The following PCDHGB5 variants were observed in gnomAD, a reference collection of about 807,000 sequenced individuals.
PCDHGB5 encodes protocadherin gamma-B5.
PCDHGB5 carries 48 observed loss-of-function variants against 62.9 expected under a neutral mutation model. The observed-to-expected ratio is 0.76, with a 90% CI of 0.61 to 0.97. The LOEUF (loss-of-function observed/expected upper bound fraction) is 0.97, where lower values mean the gene tolerates loss of function less well. Ranked by LOEUF, PCDHGB5 falls within the 50% of genes least tolerant of loss-of-function variation. The pLI, the probability that PCDHGB5 is intolerant of heterozygous loss-of-function variation, is 0.00. For missense variants in PCDHGB5, 1,118 were observed against 1,198.6 expected, an observed-to-expected ratio of 0.93 and a Z score of 0.99; for synonymous variants, 474 against 511.2, an observed-to-expected ratio of 0.93 and a Z score of 0.98.
chr5:141,458,695 G>T (rs551105765), intron 1 of PCDHGB5, among the ~76,000 whole-genome samples: 2 of 151,734 alleles, frequency 1.3e-5, no homozygotes, highest in Non-Finnish European at 2.9e-5. Context: ...TCAGCCTCCC[G>T]AGTAGCTGGG....
At chr5:141,443,952 A>T (rs1355073040) in intron 1 of PCDHGB5, among the ~76,000 whole-genome samples, 4 of 152,134 alleles carry the variant, frequency 2.6e-5, no homozygotes, top group Non-Finnish European at 4.4e-5. Context: ...CCTTATTGGT[A>T]TGTATTCTGT....
At chr5:141,410,715 GTT>G (rs2154543204) in intron 1 of PCDHGB5, 19 of 1,422,782 alleles carry the variant, frequency 1.3e-5, no homozygotes, top group Non-Finnish European at 1.8e-5. Context: ...AGAATCATAT[GTT>G]TAAAATCCAT....
In PCDHGB5 at chr5:141,432,296, G is replaced by A. The variant is rs895669878; in HGVS notation, c.2397+31772G>A. The A allele has an allele frequency of 2.5e-6, 4 of 1,614,106 alleles. No homozygotes were observed. The highest frequency in any genetic ancestry group is 1.1e-5 in the South Asian group (1 of 91,082). The stretch of plus-strand genomic sequence containing the variant: ...CGTGTCCATCAACTCCGACACTGGG[G>A]TACTGTATGCGCTGAGCTCCTTCGA... On this transcript the variant is annotated intron_variant, in intron 1 of 3. Transcript: ENST00000617380. The surrounding 1 kb of genome is among the most constrained non-coding windows in gnomAD (Gnocchi z 6.0).
At chr5:141,449,055 A>T (rs1056298558) in intron 1 of PCDHGB5, among the ~76,000 whole-genome samples, 1 of 152,188 alleles carries the variant, frequency 6.6e-6, no homozygotes, top group Non-Finnish European at 1.5e-5. Context: ...CTCATAAATG[A>T]GCGCTATTGA....
At chr5:141,429,169 T>TACACACACACACACACAC (rs10667977) in intron 1 of PCDHGB5, 2 of 145,394 alleles carry the variant, frequency 1.4e-5, no homozygotes, top group African/African-American at 5.1e-5. Flanking sequence ...ACATTGTTTA[T>TACACACACACACACACAC]ACACACACAC....
At chr5:141,433,103 C>T (rs762225174) in intron 1 of PCDHGB5, 3 of 1,614,126 alleles carry the variant, frequency 1.9e-6, no homozygotes, top group Non-Finnish European at 2.5e-6. Flanking sequence ...GCTCGTCAGC[C>T]AGGAGAGCTT....
intron 2 of PCDHGB5, among the ~76,000 whole-genome samples, chr5:141,496,505 A>G (rs1166234572): frequency 1.3e-5 from 2 of 152,144 alleles, no homozygotes; most frequent in Non-Finnish European, 2.9e-5. Flanking sequence ...TGTTGCCACA[A>G]GGACCCAGGA....
At chr5:141,502,093 G>C (rs1037154464) in intron 2 of PCDHGB5, among the ~76,000 whole-genome samples, 27 of 152,112 alleles carry the variant, frequency 1.8e-4, no homozygotes, top group Admixed American at 1.7e-3. Flanking sequence ...AGAACACCTG[G>C]CCTTGACCCT....
intron 1 of PCDHGB5, among the ~76,000 whole-genome samples, chr5:141,448,516 A>T (rs1210489939): frequency 3.9e-5 from 6 of 152,152 alleles, no homozygotes; most frequent in Non-Finnish European, 8.8e-5. Flanking sequence ...TTATAACTTT[A>T]TTAAGCATCC....
chr5:141,495,702 T>C (rs1462896403), intron 2 of PCDHGB5, among the ~76,000 whole-genome samples: 3 of 152,212 alleles, frequency 2.0e-5, no homozygotes, highest in Non-Finnish European at 4.4e-5. Context: ...TCAATAAATG[T>C]GGAGTGAGTA....
At chr5:141,469,373 G>A (rs532041259) in intron 1 of PCDHGB5, among the ~76,000 whole-genome samples, 3 of 151,992 alleles carry the variant, frequency 2.0e-5, no homozygotes, top group South Asian at 2.1e-4. Context: ...TAAAGAGATC[G>A]AGACCATCCT....
intron 1 of PCDHGB5, chr5:141,424,694 T>C (rs2096834568): frequency 6.6e-6 from 1 of 152,252 alleles, no homozygotes; most frequent in East Asian, 1.9e-4. Flanking sequence ...TCTGGCTATT[T>C]TTTTGTTCAT....
At chr5:141,405,389 T>A in intron 1 of PCDHGB5, 12 of 1,600,534 alleles carry the variant, frequency 7.5e-6, no homozygotes, top group Non-Finnish European at 8.5e-6. Context: ...GAGTTCATTT[T>A]TTTTCTTTCT....
chr5:141,422,406 T>C, intron 1 of PCDHGB5: 1 of 1,601,224 alleles, frequency 6.2e-7, no homozygotes, highest in South Asian at 1.1e-5. Context: ...ACCTGCCTTT[T>C]AAATTAGAAA....
At chr5:141,482,458 C>T (rs986628162) in intron 1 of PCDHGB5, among the ~76,000 whole-genome samples, 1 of 147,624 alleles carries the variant, frequency 6.8e-6, no homozygotes, top group Non-Finnish European at 1.5e-5. Context: ...ATTAGCATCC[C>T]TATGTGCCAG....
In PCDHGB5 at chr5:141,398,802, C is replaced by A; in HGVS notation, c.675C>A (p.Thr225=). 6.2e-7 allele frequency: 1 copy of A among 1,613,982 alleles called. No individual in the cohort carries two copies. The highest frequency in any genetic ancestry group is 8.5e-7 in the Non-Finnish European group (1 of 1,179,900). The part of the protein sequence containing the change: ...LDGGHPPLSG[T]TELRIQVTDA... ...GTGGACATCCACCCCTAAGCGGCACCACTGAGCTCCGGATCCAGGTAACCG... is the reference window on the plus strand; with the variant it reads ...GTGGACATCCACCCCTAAGCGGCACAACTGAGCTCCGGATCCAGGTAACCG... The change falls in exon 1 of 4, where the codon ACC becomes ACA. Residue 225 remains threonine, a synonymous_variant. Coordinates refer to ENST00000617380, the MANE Select transcript of PCDHGB5 (RefSeq NM_018925.3).
rs138542775 is a variant in PCDHGB5, at chr5:141,491,313, C to T, written c.2398-3494C>T. ...ACCCTCCTGAGCGTTCAGACCTTAC[C>T]CTTTACCTCATTGTGGCTCTAGCGA... On this transcript the variant is annotated intron_variant, in intron 1 of 3. Transcript: ENST00000617380. This position sits in a 1 kb window ranked among gnomAD's most constrained non-coding sequence, Gnocchi z 6.9. 405 of 1,614,154 alleles carry T rather than the reference C, an allele frequency of 2.5e-4. 2 individuals are homozygous for T. In the African/African-American group the frequency reaches 4.5e-3, roughly 18 times the overall value.
chr5:141,405,265 C>T lies in PCDHGB5; in HGVS notation c.2397+4741C>T, dbSNP rs769240639. The T allele has an allele frequency of 4.3e-6, 7 of 1,614,106 alleles. No homozygotes were observed. In the Admixed American group the frequency reaches 1.2e-4, roughly 27 times the overall value. Reference sequence around the variant, plus strand: ...CAAGGAAGAGTCACCTGATCTTCCCCCAGCCCAACTATGCAGACACACTCA... The same window carrying T: ...CAAGGAAGAGTCACCTGATCTTCCCTCAGCCCAACTATGCAGACACACTCA... On this transcript the variant is annotated intron_variant, in intron 1 of 3. Coordinates refer to ENST00000617380, the MANE Select transcript of PCDHGB5 (RefSeq NM_018925.3).
chr5:141,500,294 C>T (rs755761935), intron 2 of PCDHGB5, among the ~76,000 whole-genome samples: 3 of 151,732 alleles, frequency 2.0e-5, no homozygotes, highest in Non-Finnish European at 2.9e-5. Flanking sequence ...CTGCAAGCTC[C>T]GCCTCCCAGG....
Sources: allele counts gnomAD v4.1 joint callset (sites outside exome capture counted in the v4.1 genomes callset), GRCh38; gene constraint gnomAD v4.1.1; non-coding constraint Gnocchi (gnomAD v3.1); transcripts MANE v1.5; gene names NCBI Gene and HGNC (gene_info 2026-07-23, HGNC 2026-07-21).